SGCG: variants seen among roughly 807,000 people sequenced by gnomAD.
The protein encoded by SGCG is sarcoglycan gamma.
In SGCG, 26 loss-of-function variants were observed where a neutral mutation model predicts 29.3. The ratio of observed to expected loss-of-function variants is 0.89; its 90% confidence interval spans 0.65 to 1.23. The LOEUF (loss-of-function observed/expected upper bound fraction) is 1.23, where lower values mean the gene tolerates loss of function less well. SGCG is among the 50% of genes most tolerant of loss of function. The pLI is 0.00. For synonymous variants in SGCG, 145 were observed against 129.7 expected (o/e 1.12, Z -0.80); for missense variants, 353 against 356.0 (o/e 0.99, Z 0.07).
At chr13:23,238,809 T>A (rs1879402533) in intron 3 of SGCG, among the ~76,000 whole-genome samples, 1 of 152,154 alleles carries the variant, frequency 6.6e-6, no homozygotes, top group African/African-American at 2.4e-5. Flanking sequence ...CTGAAATTTT[T>A]AAAAAGCCAA....
At chr13:23,227,644 T>C (rs1263950223) in intron 2 of SGCG, among the ~76,000 whole-genome samples, 1 of 152,106 alleles carries the variant, frequency 6.6e-6, no homozygotes, top group African/African-American at 2.4e-5. Context: ...TCAGATGTAG[T>C]ATTTTAGTGA....
intron 2 of SGCG, among the ~76,000 whole-genome samples, chr13:23,220,737 G>C (rs1212619133): frequency 6.6e-6 from 1 of 152,080 alleles, no homozygotes; most frequent in Non-Finnish European, 1.5e-5. Flanking sequence ...TTCATGTCCA[G>C]TCTTCTGAAT....
intron 1 of SGCG, among the ~76,000 whole-genome samples, chr13:23,202,569 A>G (rs576980565): frequency 6.6e-6 from 1 of 152,328 alleles, no homozygotes; most frequent in East Asian, 1.9e-4. Context: ...GAAATGAGTC[A>G]ATGAATAATG....
intron 2 of SGCG, among the ~76,000 whole-genome samples, chr13:23,218,383 A>G (rs982792571): frequency 1.1e-4 from 17 of 152,132 alleles, no homozygotes; most frequent in African/African-American, 3.4e-4. Flanking sequence ...CTGGAACATA[A>G]AGAGATTTCA....
At chr13:23,256,962 C>G (rs1273195946) in intron 4 of SGCG, among the ~76,000 whole-genome samples, 1 of 152,188 alleles carries the variant, frequency 6.6e-6, no homozygotes, top group Non-Finnish European at 1.5e-5. Context: ...ACACTCTCTT[C>G]CACAATGGTT....
chr13:23,292,741 G>A (rs1566034583), intron 5 of SGCG, among the ~76,000 whole-genome samples: 1 of 152,080 alleles, frequency 6.6e-6, no homozygotes. Context: ...TCTTAGTTAT[G>A]GAAAGAAATC....
At chr13:23,303,013 T>C (rs1367866530) in intron 6 of SGCG, among the ~76,000 whole-genome samples, 1 of 152,262 alleles carries the variant, frequency 6.6e-6, no homozygotes, top group East Asian at 1.9e-4. Flanking sequence ...TCAATTTTTG[T>C]TGAAAGTAAA....
chr13:23,277,697 CTT>C (rs879580838), intron 4 of SGCG, among the ~76,000 whole-genome samples: 18 of 135,300 alleles, frequency 1.3e-4, no homozygotes, highest in Non-Finnish European at 1.1e-4. Context: ...TCTCAACTTC[CTT>C]TTTTTTTTTT....
At position 23,205,778 on chromosome 13, in the gene SGCG, T is replaced by C. The variant is rs115380869; in HGVS notation, c.195+1889T>C. ...ATCCCCTGCCCTTTCTAGTGAGATA[T>C]GGTCATTGAGCATGGCATTTGCTTC... is the stretch of plus-strand genomic sequence containing the variant. On this transcript the variant is annotated intron_variant, in intron 2 of 7. Transcript: ENST00000218867. 9.1e-3 allele frequency among the ~76,000 whole-genome samples: 1,392 copies of C among 152,170 alleles called. 27 individuals carry two copies. Among genetic ancestry groups the C allele is most frequent in the African/African-American group, 0.032 (1,327 of 41,530 alleles).
chr13:23,199,097 G>A (rs564302809), intron 1 of SGCG, among the ~76,000 whole-genome samples: 24 of 123,846 alleles, frequency 1.9e-4, no homozygotes, highest in African/African-American at 6.8e-4. Flanking sequence ...AACACAGTGA[G>A]ACTCCGTCTC....
At chr13:23,271,276 A>G (rs879870336) in intron 4 of SGCG, among the ~76,000 whole-genome samples, 3 of 152,176 alleles carry the variant, frequency 2.0e-5, no homozygotes, top group Non-Finnish European at 4.4e-5. Flanking sequence ...CTAGATTTCC[A>G]TGTCTATCAG....
intron 3 of SGCG, chr13:23,243,785 A>G (rs1443245955): frequency 6.6e-6 from 1 of 152,266 alleles, no homozygotes; most frequent in East Asian, 1.9e-4. Flanking sequence ...TCATCCCTAT[A>G]TTAGCAATAA....
chr13:23,299,293 T>A (rs1262955082), intron 6 of SGCG, among the ~76,000 whole-genome samples: 1 of 60,252 alleles, frequency 1.7e-5, no homozygotes, highest in East Asian at 3.9e-3. Flanking sequence ...GGTCATATCT[T>A]CTTCTTCTGC....
intron 2 of SGCG, among the ~76,000 whole-genome samples, chr13:23,229,146 A>G (rs1221020680): frequency 6.6e-6 from 1 of 152,214 alleles, no homozygotes; most frequent in Admixed American, 6.5e-5. Flanking sequence ...CTGGGATTAC[A>G]GGAACTGTAA....
chr13:23,313,330 C>A (rs1480252007), intron 6 of SGCG, among the ~76,000 whole-genome samples: 1 of 151,980 alleles, frequency 6.6e-6, no homozygotes, highest in African/African-American at 2.4e-5. Context: ...ATGCCCAGCT[C>A]ATTTTTGTAT....
intron 1 of SGCG, among the ~76,000 whole-genome samples, chr13:23,198,385 T>C (rs569786831): frequency 1.3e-5 from 2 of 152,356 alleles, no homozygotes; most frequent in Admixed American, 1.3e-4. Context: ...ACAGATTATC[T>C]GTCCTTAAGG....
At chr13:23,317,137 G>A (rs1274391694) in intron 6 of SGCG, among the ~76,000 whole-genome samples, 4 of 151,942 alleles carry the variant, frequency 2.6e-5, no homozygotes, top group Admixed American at 2.6e-4. Flanking sequence ...AGAGCTTGTA[G>A]TGAGCCGAGA....
At chr13:23,310,820 G>GTATTAA (rs1882569871) in intron 6 of SGCG, among the ~76,000 whole-genome samples, 1 of 151,980 alleles carries the variant, frequency 6.6e-6, no homozygotes, top group Non-Finnish European at 1.5e-5. Context: ...TGTCAACCAA[G>GTATTAA]TCTACATCAA....
At chr13:23,266,441 G>A (rs1007949311) in intron 4 of SGCG, among the ~76,000 whole-genome samples, 5 of 152,058 alleles carry the variant, frequency 3.3e-5, no homozygotes, top group Admixed American at 3.3e-4. Flanking sequence ...GTAACACTCA[G>A]GAATCAAAAA....
Sources: allele counts gnomAD v4.1 joint callset (sites outside exome capture counted in the v4.1 genomes callset), GRCh38; gene constraint gnomAD v4.1.1; transcripts MANE v1.5; gene names NCBI Gene and HGNC (gene_info 2026-07-23, HGNC 2026-07-21).